The following AGMO variants were observed in gnomAD, a reference collection of about 807,000 sequenced individuals.
AGMO encodes alkylglycerol monooxygenase.
A neutral mutation model predicts 60.2 loss-of-function variants in AGMO; 75 were observed. The observed-to-expected ratio is 1.25, with a 90% confidence interval of 1.03 to 1.51. AGMO has a LOEUF of 1.51. AGMO is among the 40% of genes most tolerant of loss of function. AGMO has a pLI of 0.00. For missense variants in AGMO, 763 were observed against 525.5 expected, an observed-to-expected ratio of 1.45 and a Z score of -4.42; for synonymous variants, 261 against 177.1, an observed-to-expected ratio of 1.47 and a Z score of -3.76.
intron 12 of AGMO, among the ~76,000 whole-genome samples, chr7:15,262,706 T>A (rs10255995): frequency 0.012 from 1,786 of 151,524 alleles, 33 homozygotes; most frequent in African/African-American, 0.04. Flanking sequence ...TTACCTGATG[T>A]TATACTATAA....
the AGMO span, among the ~76,000 whole-genome samples, chr7:15,122,965 A>C: frequency 6.6e-6 from 1 of 152,100 alleles, no homozygotes; most frequent in Non-Finnish European, 1.5e-5. Flanking sequence ...CCCACAGGAT[A>C]GTATATAATC....
At chr7:15,254,273 T>G (rs989818852) in intron 12 of AGMO, among the ~76,000 whole-genome samples, 1 of 152,210 alleles carries the variant, frequency 6.6e-6, no homozygotes, top group African/African-American at 2.4e-5. Context: ...TTCTGGATCA[T>G]ATGTTAGCTC....
chr7:15,279,618 T>C (rs183005434), intron 12 of AGMO, among the ~76,000 whole-genome samples: 16 of 152,262 alleles, frequency 1.1e-4, no homozygotes, highest in African/African-American at 3.8e-4. Flanking sequence ...ACTGTGAACT[T>C]TTTTTCCAAG....
intron 3 of AGMO, among the ~76,000 whole-genome samples, chr7:15,458,694 C>G (rs948873759): frequency 6.6e-6 from 1 of 152,074 alleles, no homozygotes; most frequent in African/African-American, 2.4e-5. Flanking sequence ...TTAATCCTTG[C>G]AACAACTGTT....
chr7:15,121,360 T>C, the AGMO span, among the ~76,000 whole-genome samples: 1 of 152,152 alleles, frequency 6.6e-6, no homozygotes, highest in African/African-American at 2.4e-5. Flanking sequence ...CTGGGTCAAA[T>C]GATATTTCTT....
intron 12 of AGMO, among the ~76,000 whole-genome samples, chr7:15,354,393 TAC>T (rs1220313870): frequency 2.4e-5 from 1 of 41,114 alleles, no homozygotes; most frequent in Non-Finnish European, 4.0e-5. Flanking sequence ...CGTGTGTGTA[TAC>T]ACGTGTGTGT....
chr7:15,404,916 T>C (rs1307562680), intron 5 of AGMO, among the ~76,000 whole-genome samples: 1 of 151,864 alleles, frequency 6.6e-6, no homozygotes, highest in African/African-American at 2.4e-5. Flanking sequence ...TAGATCGCTT[T>C]GTCATCCATT....
At chr7:15,192,012 A>G in the AGMO span, among the ~76,000 whole-genome samples, 10 of 148,092 alleles carry the variant, frequency 6.8e-5, no homozygotes, top group African/African-American at 2.5e-4. Context: ...CACACAGAGA[A>G]CTATTCATCA....
At chr7:15,119,664 T>A in the AGMO span, among the ~76,000 whole-genome samples, 2 of 152,210 alleles carry the variant, frequency 1.3e-5, no homozygotes, top group Non-Finnish European at 2.9e-5. Flanking sequence ...TGATTGGTTT[T>A]GCTTTTAATA....
intron 12 of AGMO, among the ~76,000 whole-genome samples, chr7:15,273,397 TTTC>T (rs1783677306): frequency 6.6e-6 from 1 of 152,212 alleles, no homozygotes; most frequent in African/African-American, 2.4e-5. Flanking sequence ...CCTTTCCTCA[TTTC>T]TTGTTTTTGT....
intron 12 of AGMO, among the ~76,000 whole-genome samples, chr7:15,300,752 C>G (rs757995954): frequency 1.3e-5 from 2 of 152,160 alleles, no homozygotes; most frequent in Non-Finnish European, 2.9e-5. Context: ...ATTAGCAAAT[C>G]TTAAAGGTGT....
intron 12 of AGMO, among the ~76,000 whole-genome samples, chr7:15,250,953 A>AT (rs1048589109): frequency 5.4e-4 from 82 of 151,340 alleles, no homozygotes; most frequent in East Asian, 3.7e-3. Flanking sequence ...CTCAAAAAAA[A>AT]AAATATATAT....
chr7:15,538,405 T>C (rs527242959), intron 3 of AGMO, among the ~76,000 whole-genome samples: 1 of 152,068 alleles, frequency 6.6e-6, no homozygotes, highest in Non-Finnish European at 1.5e-5. Flanking sequence ...GCTAATTTTT[T>C]AATGTTTTGT....
At chr7:15,249,550 A>G (rs571229800) in intron 12 of AGMO, among the ~76,000 whole-genome samples, 13 of 152,320 alleles carry the variant, frequency 8.5e-5, no homozygotes, top group Middle Eastern at 3.4e-3. Flanking sequence ...GATATTTAAA[A>G]AGGTAATTCT....
At chr7:15,436,181 T>C (rs538285111) in intron 3 of AGMO, among the ~76,000 whole-genome samples, 1 of 152,328 alleles carries the variant, frequency 6.6e-6, no homozygotes, top group East Asian at 1.9e-4. Context: ...TATTGTACGA[T>C]GACTATAGAA....
chr7:15,186,940 C>G, the AGMO span, among the ~76,000 whole-genome samples: 1 of 152,280 alleles, frequency 6.6e-6, no homozygotes, highest in East Asian at 1.9e-4. Context: ...GAATACGTTT[C>G]TGGATTGGTG....
chr7:15,221,446 T>C (rs756857186), intron 12 of AGMO, among the ~76,000 whole-genome samples: 5 of 152,146 alleles, frequency 3.3e-5, no homozygotes, highest in African/African-American at 4.8e-5. Context: ...TTCCTCCTTG[T>C]TTTTCACTTT....
chr7:15,480,655 G>A (rs545250194), intron 3 of AGMO, among the ~76,000 whole-genome samples: 20 of 152,172 alleles, frequency 1.3e-4, no homozygotes, highest in African/African-American at 4.3e-4. Context: ...TGTTAAACAC[G>A]TTTGGATGAA....
At chr7:15,334,838 T>C (rs1158717260) in intron 12 of AGMO, among the ~76,000 whole-genome samples, 2 of 152,180 alleles carry the variant, frequency 1.3e-5, no homozygotes, top group African/African-American at 4.8e-5. Context: ...GTGTGCTATA[T>C]TTTAAACAAT....
Sources: gnomAD v4.1 joint callset for allele counts (sites outside exome capture counted in the v4.1 genomes callset) on GRCh38, gnomAD v4.1.1 for gene constraint, MANE v1.5 for transcripts, NCBI Gene and HGNC (gene_info 2026-07-23, HGNC 2026-07-21) for gene names.